FAM20C: variants seen among roughly 807,000 people sequenced by gnomAD.
FAM20C encodes FAM20C golgi associated secretory pathway kinase.
FAM20C carries 40 observed loss-of-function variants against 51.5 expected under a neutral mutation model. That is an observed-to-expected ratio of 0.78 (90% CI 0.60 to 1.01). The LOEUF is 1.01. Among genes scored for constraint, FAM20C ranks in the 50% least tolerant of loss-of-function variants. FAM20C has a pLI of 0.00. For missense variants in FAM20C, 861 were observed against 844.7 expected, an observed-to-expected ratio of 1.02 and a Z score of -0.24; for synonymous variants, 406 against 380.6, an observed-to-expected ratio of 1.07 and a Z score of -0.78.
At chr7:257,831 T>G in intron 8 of FAM20C, among the ~76,000 whole-genome samples, 1 of 115,340 alleles carries the variant, frequency 8.7e-6, no homozygotes, top group South Asian at 2.7e-4. Flanking sequence ...GTGCTGGAGA[T>G]GGGCAGGGTG....
At chr7:205,916 G>T (rs1344185296) in intron 2 of FAM20C, among the ~76,000 whole-genome samples, 1 of 152,078 alleles carries the variant, frequency 6.6e-6, no homozygotes, top group African/African-American at 2.4e-5. Context: ...CTCTGGGTCA[G>T]TTCTTCCCGT....
chr7:198,336 A>G (rs1303612359), intron 2 of FAM20C, among the ~76,000 whole-genome samples: 1 of 152,184 alleles, frequency 6.6e-6, no homozygotes, highest in Non-Finnish European at 1.5e-5. Flanking sequence ...CGCCTCCAGC[A>G]CCTGGTTTCT....
chr7:249,233 C>T (rs191773822), intron 5 of FAM20C, among the ~76,000 whole-genome samples: 8,221 of 152,306 alleles, frequency 0.054, 273 homozygotes, highest in Non-Finnish European at 0.082. Context: ...CGGCCTCCCC[C>T]GCCTCGGCGA....
intron 2 of FAM20C, among the ~76,000 whole-genome samples, chr7:205,270 T>C (rs28629883): frequency 0.18 from 14,208 of 80,600 alleles, 928 homozygotes; most frequent in African/African-American, 0.27. Flanking sequence ...GACGTCAGCC[T>C]CCCGAGTAGC....
chr7:245,409 C>T lies in FAM20C; in HGVS notation c.864-1006C>T, dbSNP rs188684735. 1.6e-3 allele frequency among the ~76,000 whole-genome samples: 245 copies of T among 151,936 alleles called. 2 individuals carry two copies. Among genetic ancestry groups the T allele is most frequent in the African/African-American group, 4.6e-3 (192 of 41,530 alleles). On this transcript the variant is annotated intron_variant, in intron 3 of 9. Coordinates refer to ENST00000313766, the MANE Select transcript of FAM20C (RefSeq NM_020223.4). ...CCTGGCATGGGAGGACATCCTGGGA[C>T]GGGCTCTCCTTCCAGTGGAGGCAGG... is the stretch of plus-strand genomic sequence containing the variant.
At position 192,668 on chromosome 7, in the gene FAM20C, C is replaced by T. The variant is rs1318146190; in HGVS notation, c.-532C>T. 2.8e-5 allele frequency among the ~76,000 whole-genome samples: 4 copies of T among 145,416 alleles called. No individual in the cohort carries two copies. Among genetic ancestry groups the T allele is most frequent in the Non-Finnish European group, 4.5e-5 (3 of 66,248 alleles). ...CCGCGCCCACCCCTTCCGCCCTTCG[C>T]CCCCCCCTTCCCCCCAGCCCCGGTC... On this transcript the variant is annotated 5_prime_UTR_variant, in exon 1 of 10. Coordinates refer to ENST00000313766, the MANE Select transcript of FAM20C (RefSeq NM_020223.4).
chr7:196,288 A>C (rs1448703656), intron 2 of FAM20C, among the ~76,000 whole-genome samples: 1 of 152,224 alleles, frequency 6.6e-6, no homozygotes, highest in Non-Finnish European at 1.5e-5. Context: ...AGGAGTTTGA[A>C]GGCAACATCT....
At chr7:212,407 G>T (rs1022541785) in intron 3 of FAM20C, among the ~76,000 whole-genome samples, 4 of 152,214 alleles carry the variant, frequency 2.6e-5, no homozygotes, top group Admixed American at 2.6e-4. Flanking sequence ...AGGTTACAGT[G>T]AGCCGAGCTG....
At position 246,445 on chromosome 7, in the gene FAM20C, CTTTT is replaced by C. The variant is rs1261053639; in HGVS notation, c.898_901del (p.Phe300IlefsTer36). On this transcript the variant is annotated frameshift_variant, in exon 4 of 10. Transcript: ENST00000313766. LOFTEE classifies it high-confidence loss of function. The stretch of plus-strand genomic sequence containing the variant: ...CGAGGGAGCAGGAGACACCCCCTGA[CTTTT>C]TTTATTTCTCTGACTACGAGAGGCA... 6.9e-7 allele frequency: 1 copy of C among 1,445,208 alleles called. No homozygotes were observed. Among genetic ancestry groups the C allele is most frequent in the Non-Finnish European group, 9.0e-7 (1 of 1,107,010 alleles). 89.5% of individuals were successfully genotyped at this position (1,445,208 alleles called of 1,614,324 possible). A position where few individuals can be genotyped will look rare whatever the true frequency, so the allele number is the denominator to read the frequency against.
intron 1 of FAM20C, 145 bp from the exon 2 acceptor site, chr7:195,394 GCAGACGTTGCAGGGC>G: frequency 1.8e-6 from 1 of 548,144 alleles, no homozygotes; most frequent in Non-Finnish European, 2.9e-6. Flanking sequence ...AGAAGAAAGC[GCAGACGTTGCAGGGC>G]CCTCTTTAAG....
In FAM20C at chr7:260,060, T is replaced by C; in HGVS notation, c.*80T>C. On this transcript the variant is annotated 3_prime_UTR_variant, in exon 10 of 10. Coordinates refer to ENST00000313766, the MANE Select transcript of FAM20C (RefSeq NM_020223.4). ...GCAAGCGCATGCGCCCGTCGTGAATTCAGTGAATTCAGAGGCAGGACGGGA... is the reference window on the plus strand; with the variant it reads ...GCAAGCGCATGCGCCCGTCGTGAATCCAGTGAATTCAGAGGCAGGACGGGA... 7.0e-7 allele frequency: 1 copy of C among 1,421,704 alleles called. No individual in the cohort carries two copies. The highest frequency in any genetic ancestry group is 9.2e-7 in the Non-Finnish European group (1 of 1,086,284). The allele number at this position is 1,421,704 out of a possible 1,614,324, so 88.1% of individuals were successfully genotyped here. A position where few individuals can be genotyped will look rare whatever the true frequency, so the allele number is the denominator to read the frequency against.
rs533351140 is a variant in FAM20C at position 260,306 on chromosome 7, A to T, written c.*326A>T. 153 of 218,950 alleles carry T rather than the reference A, an allele frequency of 7.0e-4. No individual in the cohort carries two copies. Among genetic ancestry groups the T allele is most frequent in the Non-Finnish European group, 9.8e-4 (110 of 112,006 alleles). The allele number at this position is 218,950 out of a possible 1,614,324, so 13.6% of individuals were successfully genotyped here. A position where few individuals can be genotyped will look rare whatever the true frequency, so the allele number is the denominator to read the frequency against. On this transcript the variant is annotated 3_prime_UTR_variant, in exon 10 of 10. Coordinates refer to ENST00000313766, the MANE Select transcript of FAM20C (RefSeq NM_020223.4). ...TTGATGAATAAGTATATAAACAGAG[A>T]CGTGTACACAGATGCCAATCACCTA...
rs368149602 is a variant in FAM20C at position 250,719 on chromosome 7, C to A, written c.1072+2289C>A. Among the ~76,000 whole-genome samples the A allele has an allele frequency of 4.6e-5, 7 of 152,370 alleles. No individual in the cohort carries two copies. In the East Asian group the frequency reaches 7.7e-4, roughly 17 times the overall value. On this transcript the variant is annotated intron_variant, in intron 5 of 9. Coordinates refer to ENST00000313766, the MANE Select transcript of FAM20C (RefSeq NM_020223.4). The stretch of plus-strand genomic sequence containing the variant: ...CTGCCCCACCGTCCACAGGACTGAC[C>A]GCACTGCAGCCCGCCATGCACACCC...
intron 3 of FAM20C, among the ~76,000 whole-genome samples, chr7:214,340 C>G (rs1162310293): frequency 6.6e-6 from 1 of 152,008 alleles, no homozygotes; most frequent in Non-Finnish European, 1.5e-5. Flanking sequence ...AAAAAAAAAT[C>G]TTTACATGTT....
chr7:235,080 GCCC>G, intron 3 of FAM20C, among the ~76,000 whole-genome samples: 1 of 152,124 alleles, frequency 6.6e-6, no homozygotes, highest in Non-Finnish European at 1.5e-5. Flanking sequence ...CATCACGTTA[GCCC>G]AGGCTGCGGC....
intron 3 of FAM20C, among the ~76,000 whole-genome samples, chr7:241,079 C>T (rs1189424497): frequency 6.6e-6 from 1 of 151,878 alleles, no homozygotes; most frequent in Admixed American, 6.5e-5. Flanking sequence ...GGGTGAGCTT[C>T]GGGGTGAATT....
rs1788829446 is a variant in FAM20C at position 260,296 on chromosome 7, A to G, written c.*316A>G. 3.7e-6 allele frequency: 1 copy of G among 267,326 alleles called. No individual in the cohort carries two copies. The allele number at this position is 267,326 out of a possible 1,614,324, so 16.6% of individuals were successfully genotyped here. On this transcript the variant is annotated 3_prime_UTR_variant, in exon 10 of 10. Transcript: ENST00000313766. ...GTATTTATATTTGATGAATAAGTAT[A>G]TAAACAGAGACGTGTACACAGATGC...
At chr7:213,141 G>C (rs1294062329) in intron 3 of FAM20C, among the ~76,000 whole-genome samples, 11 of 66,082 alleles carry the variant, frequency 1.7e-4, no homozygotes, top group African/African-American at 2.6e-4. Context: ...GAGTGACATG[G>C]AGGGCTGTGG....
At chr7:226,597 C>T (rs995931088) in intron 3 of FAM20C, among the ~76,000 whole-genome samples, 3 of 152,116 alleles carry the variant, frequency 2.0e-5, no homozygotes, top group Non-Finnish European at 4.4e-5. Context: ...TCCACCCTCT[C>T]GCAGGTCTGT....
Sources: allele counts gnomAD v4.1 joint callset (sites outside exome capture counted in the v4.1 genomes callset), GRCh38; gene constraint gnomAD v4.1.1; transcripts MANE v1.5; gene names NCBI Gene and HGNC (gene_info 2026-07-23, HGNC 2026-07-21).